PUS7: variants seen among roughly 807,000 people sequenced by gnomAD.
PUS7 encodes pseudouridine synthase 7.
Under a neutral mutation model 79.8 loss-of-function variants are expected in PUS7, and 48 were observed. The observed-to-expected ratio is 0.60, with a 90% CI of 0.48 to 0.76. The LOEUF (loss-of-function observed/expected upper bound fraction) is 0.76, where lower values mean the gene tolerates loss of function less well. Among genes scored for constraint, PUS7 ranks in the 30% least tolerant of loss-of-function variants. PUS7 has a pLI of 0.00. For missense variants in PUS7, 729 were observed against 797.6 expected (o/e 0.91, Z 1.04); for synonymous variants, 286 against 272.2 (o/e 1.05, Z -0.50).
chr7:105,474,448 A>G (rs992287732), intron 9 of PUS7, among the ~76,000 whole-genome samples: 4 of 152,230 alleles, frequency 2.6e-5, no homozygotes, highest in South Asian at 2.1e-4. Context: ...TCTGACAGAT[A>G]TAATACACAT....
intron 7 of PUS7, among the ~76,000 whole-genome samples, chr7:105,486,952 C>T (rs1404319267): frequency 1.3e-5 from 2 of 151,824 alleles, no homozygotes; most frequent in African/African-American, 4.8e-5. Flanking sequence ...CCCAGCTACT[C>T]GGGAGGCTAA....
intron 11 of PUS7, among the ~76,000 whole-genome samples, chr7:105,470,076 C>T (rs376223330): frequency 5.3e-5 from 8 of 152,300 alleles, no homozygotes; most frequent in South Asian, 2.1e-4. Flanking sequence ...CATAATTCCA[C>T]GGTTAAAGAG....
intron 1 of PUS7, among the ~76,000 whole-genome samples, chr7:105,517,350 G>A (rs1355961968): frequency 3.3e-5 from 5 of 151,850 alleles, no homozygotes; most frequent in Non-Finnish European, 2.9e-5. Context: ...TAGTAGAGAC[G>A]GGTTTTCACC....
intron 5 of PUS7, chr7:105,496,860 T>G (rs1825057140): frequency 1.2e-6 from 1 of 803,208 alleles, no homozygotes; most frequent in African/African-American, 1.8e-5. Context: ...TCCTTCCAGC[T>G]CACTATCAGT....
chr7:105,469,154 C>T (rs1371407544), intron 11 of PUS7, among the ~76,000 whole-genome samples: 2 of 152,094 alleles, frequency 1.3e-5, no homozygotes, highest in African/African-American at 4.8e-5. Context: ...ATCCACCAGC[C>T]TCAGCCTCCC....
At chr7:105,502,618 A>C in intron 4 of PUS7, 54 bp from the exon 5 acceptor site, 1 of 1,577,432 alleles carries the variant, frequency 6.3e-7, no homozygotes, top group Non-Finnish European at 8.7e-7. Context: ...TTAAATAGGG[A>C]AGTAATACAG....
chr7:105,459,557 T>G (rs1218427008), intron 14 of PUS7, among the ~76,000 whole-genome samples: 1 of 151,166 alleles, frequency 6.6e-6, no homozygotes, highest in Non-Finnish European at 1.5e-5. Flanking sequence ...CCTGCCTCAG[T>G]CTCACAAGTA....
intron 9 of PUS7, among the ~76,000 whole-genome samples, chr7:105,476,167 T>A (rs977569790): frequency 5.3e-5 from 8 of 151,504 alleles, no homozygotes; most frequent in Non-Finnish European, 1.0e-4. Flanking sequence ...TTTGAAAGGC[T>A]TACATATTCC....
rs1825554319 is a variant in PUS7, at chr7:105,508,333, C to T, written c.180G>A (p.Arg60=). 1 of 1,614,070 alleles carries T rather than the reference C, an allele frequency of 6.2e-7. No individual in the cohort carries two copies. Among genetic ancestry groups the T allele is most frequent in the Admixed American group, 1.7e-5 (1 of 59,978 alleles). Residue 60 remains arginine, a synonymous_variant, in exon 2 of 16, where the codon CGG becomes CGA. Coordinates refer to ENST00000469408, the MANE Select transcript of PUS7 (RefSeq NM_019042.5). The part of the protein sequence containing the change: ...DFLSISEDVP[R]PPDTVSTGKG... ...TCCCAGTACTGACAGTGTCAGGAGGCCGAGGCACGTCTTCACTGATGGACA... is the reference window on the plus strand; with the variant it reads ...TCCCAGTACTGACAGTGTCAGGAGGTCGAGGCACGTCTTCACTGATGGACA...
chr7:105,510,440 A>G (rs1268206389), intron 1 of PUS7, among the ~76,000 whole-genome samples: 4 of 152,210 alleles, frequency 2.6e-5, no homozygotes, highest in African/African-American at 7.2e-5. Flanking sequence ...CAAGATGAAA[A>G]GTTCTGGATA....
intron 8 of PUS7, 81 bp downstream of exon 8, chr7:105,482,231 C>A: frequency 6.7e-7 from 1 of 1,500,796 alleles, no homozygotes; most frequent in South Asian, 1.2e-5. Context: ...CTCACCAGGA[C>A]CTTATGACCA....
intron 5 of PUS7, among the ~76,000 whole-genome samples, chr7:105,496,220 TATATATAG>T (rs1402455226): frequency 1.1e-3 from 91 of 83,300 alleles, no homozygotes; most frequent in African/African-American, 2.8e-3. Flanking sequence ...TATATATATA[TATATATAG>T]AGAGAGAGAG....
In PUS7 at chr7:105,459,272, T is replaced by C. The variant is rs1191074458; in HGVS notation, c.1758-13A>G. On this transcript the variant is annotated splice_polypyrimidine_tract_variant and intron_variant, in intron 14 of 15. Coordinates refer to ENST00000469408, the MANE Select transcript of PUS7 (RefSeq NM_019042.5). ...TGCAACGACTTCCCTTCAAAACATA[T>C]GAATAAAGATAAGTGTGAATGTGAA... The C allele has an allele frequency of 1.9e-6, 3 of 1,564,858 alleles. No homozygotes were observed. Among genetic ancestry groups the C allele is most frequent in the South Asian group, 1.1e-5 (1 of 89,088 alleles).
chr7:105,458,956 C>T (rs898823242), intron 15 of PUS7, among the ~76,000 whole-genome samples: 2 of 152,144 alleles, frequency 1.3e-5, no homozygotes, highest in Non-Finnish European at 1.5e-5. Flanking sequence ...CCTAATATCA[C>T]AACCATCTAT....
At position 105,508,407 on chromosome 7, in the gene PUS7, A is replaced by T; in HGVS notation, c.106T>A (p.Ser36Thr). ...TGACCTTTGGTTAGACTGCATTCCG[A>T]CAGCTTCTGTTTTTTTGTCTCTTCA... Reference protein sequence around the residue: ...PVEETKKQKLSECSLTKGQDG... With the variant: ...PVEETKKQKLTECSLTKGQDG... Residue 36 changes from serine (S) to threonine (T), a missense_variant, in exon 2 of 16, where the codon TCG becomes ACG. Coordinates refer to ENST00000469408, the MANE Select transcript of PUS7 (RefSeq NM_019042.5). 1 of 1,614,068 alleles carries T rather than the reference A, an allele frequency of 6.2e-7. No individual in the cohort carries two copies. The highest frequency in any genetic ancestry group is 8.5e-7 in the Non-Finnish European group (1 of 1,180,012).
chr7:105,491,427 G>C, intron 7 of PUS7, 113 bp downstream of exon 7: 1 of 518,426 alleles, frequency 1.9e-6, no homozygotes, highest in Non-Finnish European at 3.3e-6. Context: ...TTTTTAAATA[G>C]GCAGAAGCAC....
intron 15 of PUS7, 54 bp downstream of exon 15, chr7:105,459,114 T>C (rs1823311053): frequency 1.7e-6 from 2 of 1,185,102 alleles, no homozygotes; most frequent in East Asian, 2.5e-5. Flanking sequence ...ATTATGTTTT[T>C]GTTTAACAAA....
In PUS7 at chr7:105,482,545, C is replaced by G; in HGVS notation, c.921-105G>C. On this transcript the variant is annotated intron_variant, in intron 7 of 15. Coordinates refer to ENST00000469408, the MANE Select transcript of PUS7 (RefSeq NM_019042.5). The stretch of plus-strand genomic sequence containing the variant: ...AGTACAGAAAACAAGATACAGCACA[C>G]CTATGACCCCCTGAAAGGAAAAGGC... The G allele has an allele frequency of 1.7e-6, 2 of 1,195,130 alleles. 1 individual carries two copies. The highest frequency in any genetic ancestry group is 2.3e-6 in the Non-Finnish European group (2 of 862,692). The allele number at this position is 1,195,130 out of a possible 1,614,324, so 74.0% of individuals were successfully genotyped here. A position where few individuals can be genotyped will look rare whatever the true frequency, so the allele number is the denominator to read the frequency against.
intron 7 of PUS7, among the ~76,000 whole-genome samples, chr7:105,489,531 T>C (rs909964847): frequency 1.3e-5 from 2 of 152,138 alleles, no homozygotes; most frequent in Admixed American, 6.6e-5. Context: ...GGCCACCAGA[T>C]AGGAACACCA....
Sources: gnomAD v4.1 joint callset for allele counts (sites outside exome capture counted in the v4.1 genomes callset) on GRCh38, gnomAD v4.1.1 for gene constraint, MANE v1.5 for transcripts, NCBI Gene and HGNC (gene_info 2026-07-23, HGNC 2026-07-21) for gene names.